The following GNB1 variants were observed in gnomAD, a reference collection of about 807,000 sequenced individuals.
GNB1 encodes the protein guanine nucleotide-binding protein G(I)/G(S)/G(T) subunit beta-1.
GNB1 carries 2 observed loss-of-function variants against 42.9 expected under a neutral mutation model. That is an observed-to-expected ratio of 0.05 (90% CI 0.02 to 0.15). The LOEUF (loss-of-function observed/expected upper bound fraction) is 0.15, where lower values mean the gene tolerates loss of function less well. Ranked by LOEUF, GNB1 falls within the 10% of genes least tolerant of loss-of-function variation. The pLI is 1.00. For missense variants in GNB1, 193 were observed against 462.2 expected, an observed-to-expected ratio of 0.42 and a Z score of 5.34; for synonymous variants, 183 against 174.7, an observed-to-expected ratio of 1.05 and a Z score of -0.38.
At chr1:1,811,975 A>G (rs1411155479) in intron 5 of GNB1, among the ~76,000 whole-genome samples, 1 of 151,890 alleles carries the variant, frequency 6.6e-6, no homozygotes, top group African/African-American at 2.4e-5. Flanking sequence ...CTGAGGCAGG[A>G]GAATGGCGTG....
At chr1:1,890,359 G>A (rs1466643676) in intron 1 of GNB1, 3 of 150,878 alleles carry the variant, frequency 2.0e-5, no homozygotes, top group African/African-American at 7.3e-5. Flanking sequence ...GGCCCTCAAA[G>A]TCACCCCGAT....
At chr1:1,859,775 G>C (rs542600546) in intron 1 of GNB1, among the ~76,000 whole-genome samples, 4 of 151,558 alleles carry the variant, frequency 2.6e-5, no homozygotes, top group South Asian at 4.2e-4. Flanking sequence ...TTGGGAGGCC[G>C]AGAGGCGGGC....
chr1:1,804,724 T>C, intron 6 of GNB1, 143 bp from the exon 7 acceptor site: 1 of 624,562 alleles, frequency 1.6e-6, no homozygotes, highest in South Asian at 2.0e-5. Context: ...GCGATTCCCA[T>C]ATGTGGCCAC....
At chr1:1,809,006 G>A (rs1431344405) in intron 5 of GNB1, among the ~76,000 whole-genome samples, 3 of 152,098 alleles carry the variant, frequency 2.0e-5, no homozygotes, top group Admixed American at 1.3e-4. Flanking sequence ...CCTAAAGCTG[G>A]AGTAACGCTC....
In GNB1 at chr1:1,856,121, C is replaced by T. The variant is rs76545572; in HGVS notation, c.-95-16883G>A. Among the ~76,000 whole-genome samples, 403 of 152,308 alleles carry T rather than the reference C, an allele frequency of 2.6e-3. 4 individuals carry two copies. The highest frequency in any genetic ancestry group is 9.3e-3 in the African/African-American group (387 of 41,562). ...CACTGCAGCCTCAAATTCCTGGGCTCAAGTATCCTCCCATCTCAGTCTCCT... is the reference window on the plus strand; with the variant it reads ...CACTGCAGCCTCAAATTCCTGGGCTTAAGTATCCTCCCATCTCAGTCTCCT... On this transcript the variant is annotated intron_variant, in intron 1 of 11. Transcript: ENST00000378609.
intron 1 of GNB1, among the ~76,000 whole-genome samples, chr1:1,869,275 C>G (rs909262499): frequency 1.3e-5 from 2 of 151,716 alleles, no homozygotes; most frequent in Non-Finnish European, 2.9e-5. Context: ...CAGTCCACTG[C>G]TCCTTTATGT....
intron 2 of GNB1, among the ~76,000 whole-genome samples, chr1:1,826,430 TA>T (rs1271970318): frequency 4.0e-5 from 6 of 151,828 alleles, no homozygotes; most frequent in African/African-American, 1.5e-4. Flanking sequence ...ATAAAAAAAA[TA>T]AAACCTGACA....
chr1:1,888,217 T>C (rs1389402038), intron 1 of GNB1, among the ~76,000 whole-genome samples: 4 of 152,306 alleles, frequency 2.6e-5, no homozygotes, highest in East Asian at 3.9e-4. Context: ...TGAAATTTCA[T>C]GTTGGAACAG....
chr1:1,879,564 G>A (rs1334683085), intron 1 of GNB1, among the ~76,000 whole-genome samples: 1 of 152,008 alleles, frequency 6.6e-6, no homozygotes. Context: ...AATTAGCCAG[G>A]CGTGGTGGCA....
intron 3 of GNB1, among the ~76,000 whole-genome samples, chr1:1,823,058 C>T (rs1465793817): frequency 2.0e-5 from 3 of 151,538 alleles, no homozygotes; most frequent in South Asian, 2.1e-4. Flanking sequence ...CTGGCTAACA[C>T]GGTGAAACCC....
intron 1 of GNB1, among the ~76,000 whole-genome samples, chr1:1,846,523 T>C (rs1647676518): frequency 1.3e-5 from 2 of 152,130 alleles, no homozygotes; most frequent in African/African-American, 4.8e-5. Flanking sequence ...GCAGAGATCA[T>C]GCCACTGCAC....
intron 5 of GNB1, among the ~76,000 whole-genome samples, chr1:1,815,127 A>G (rs2100848970): frequency 6.6e-6 from 1 of 152,090 alleles, no homozygotes; most frequent in South Asian, 2.1e-4. Context: ...AAAAAAAAAA[A>G]AAGAGAAAAG....
intron 8 of GNB1, among the ~76,000 whole-genome samples, chr1:1,792,710 A>G (rs992018750): frequency 4.6e-5 from 7 of 151,714 alleles, no homozygotes; most frequent in Non-Finnish European, 4.4e-5. Context: ...AAAAAAAAAA[A>G]AAAGAAAAAA....
intron 5 of GNB1, among the ~76,000 whole-genome samples, chr1:1,815,054 G>T (rs1297341448): frequency 6.6e-6 from 1 of 151,002 alleles, no homozygotes; most frequent in Non-Finnish European, 1.5e-5. Context: ...GGAGCTTGCA[G>T]TGAGCCGAGA....
chr1:1,802,611 A>C (rs1646640084), intron 7 of GNB1, among the ~76,000 whole-genome samples: 1 of 152,052 alleles, frequency 6.6e-6, no homozygotes, highest in Non-Finnish European at 1.5e-5. Flanking sequence ...TCTACTAAAA[A>C]TACAAAAATT....
At chr1:1,810,221 G>T (rs919668653) in intron 5 of GNB1, among the ~76,000 whole-genome samples, 1 of 151,726 alleles carries the variant, frequency 6.6e-6, no homozygotes, top group Non-Finnish European at 1.5e-5. Context: ...ACCTGCCACC[G>T]CGCCTGGCTT....
At chr1:1,798,705 A>G (rs1264319299) in intron 7 of GNB1, among the ~76,000 whole-genome samples, 1 of 152,150 alleles carries the variant, frequency 6.6e-6, no homozygotes, top group Non-Finnish European at 1.5e-5. Context: ...GAGGGCTGGA[A>G]ATAAGCTTTT....
intron 2 of GNB1, among the ~76,000 whole-genome samples, chr1:1,827,712 T>G (rs765780349): frequency 2.6e-5 from 4 of 152,214 alleles, no homozygotes; most frequent in Non-Finnish European, 5.9e-5. Flanking sequence ...ACTACTCACT[T>G]GTATTTCACA....
At chr1:1,874,704 T>C (rs1649442061) in intron 1 of GNB1, among the ~76,000 whole-genome samples, 1 of 149,150 alleles carries the variant, frequency 6.7e-6, no homozygotes, top group South Asian at 2.1e-4. Flanking sequence ...GACAGGAGAA[T>C]TGCTTGAGCC....
Sources: gnomAD v4.1 joint callset for allele counts (sites outside exome capture counted in the v4.1 genomes callset) on GRCh38, gnomAD v4.1.1 for gene constraint, MANE v1.5 for transcripts, NCBI Gene and HGNC (gene_info 2026-07-23, HGNC 2026-07-21) for gene names.